Variants in PUM1 observed in about 807,000 individuals in gnomAD.
The protein encoded by PUM1 is pumilio RNA binding family member 1, also known as pumilio homolog 1.
Under a neutral mutation model 131.8 loss-of-function variants are expected in PUM1, and 13 were observed. The observed-to-expected ratio is 0.10, with a 90% confidence interval of 0.06 to 0.16. The LOEUF (loss-of-function observed/expected upper bound fraction) is 0.16, where lower values mean the gene tolerates loss of function less well. Ranked by LOEUF, PUM1 falls within the 10% of genes least tolerant of loss-of-function variation. The pLI, the probability that PUM1 is intolerant of heterozygous loss-of-function variation, is 1.00. For synonymous variants in PUM1, 509 were observed against 556.5 expected (o/e 0.91, Z 1.20); for missense variants, 961 against 1,512.4 (o/e 0.64, Z 6.05).
intron 3 of PUM1, among the ~76,000 whole-genome samples, chr1:31,008,178 A>T (rs1642463083): frequency 6.6e-6 from 1 of 152,172 alleles, no homozygotes; most frequent in Non-Finnish European, 1.5e-5. Context: ...TTTAACCCAT[A>T]ACCCAATGAT....
At chr1:31,042,869 A>G (rs1643865586) in intron 2 of PUM1, among the ~76,000 whole-genome samples, 1 of 152,166 alleles carries the variant, frequency 6.6e-6, no homozygotes, top group Admixed American at 6.6e-5. Context: ...GAGTCAAGCC[A>G]TTACAGGCAT....
intron 2 of PUM1, among the ~76,000 whole-genome samples, chr1:31,043,222 G>T (rs1310178254): frequency 6.9e-6 from 1 of 144,060 alleles, no homozygotes; most frequent in Non-Finnish European, 1.5e-5. Flanking sequence ...CTTTTTTTTT[G>T]AGACAGTTTC....
At chr1:31,056,174 G>C (rs996437261) in intron 2 of PUM1, among the ~76,000 whole-genome samples, 2 of 152,038 alleles carry the variant, frequency 1.3e-5, no homozygotes, top group Admixed American at 6.6e-5. Flanking sequence ...CCAAACCAGA[G>C]GCACTCTGTA....
intron 5 of PUM1, among the ~76,000 whole-genome samples, chr1:31,000,902 G>T (rs1642185170): frequency 6.6e-6 from 1 of 152,210 alleles, no homozygotes; most frequent in Admixed American, 6.5e-5. Context: ...TTAGCTGGGT[G>T]TGGGCCGGGC....
intron 5 of PUM1, among the ~76,000 whole-genome samples, chr1:31,000,975 A>T (rs1642188246): frequency 6.6e-6 from 1 of 152,092 alleles, no homozygotes; most frequent in Non-Finnish European, 1.5e-5. Context: ...TCACGAGGTC[A>T]GGAGAGCGAG....
At chr1:31,043,794 T>C (rs1304906526) in intron 2 of PUM1, among the ~76,000 whole-genome samples, 1 of 152,190 alleles carries the variant, frequency 6.6e-6, no homozygotes, top group Non-Finnish European at 1.5e-5. Context: ...AAGTAGTCAT[T>C]AGCCCCAGTA....
chr1:31,018,079 G>C (rs767151575), intron 3 of PUM1, among the ~76,000 whole-genome samples: 1 of 152,232 alleles, frequency 6.6e-6, no homozygotes, highest in African/African-American at 2.4e-5. Flanking sequence ...TACCAGGCGC[G>C]GTGGCTCATG....
intron 10 of PUM1, among the ~76,000 whole-genome samples, chr1:30,970,304 TGAG>T (rs1289336074): frequency 6.6e-6 from 1 of 152,220 alleles, no homozygotes; most frequent in Non-Finnish European, 1.5e-5. Context: ...ATTTGTTAAG[TGAG>T]TATAAGGTGA....
chr1:30,934,148 C>T (rs1425561717), intron 21 of PUM1, among the ~76,000 whole-genome samples: 1 of 152,206 alleles, frequency 6.6e-6, no homozygotes, highest in Non-Finnish European at 1.5e-5. Flanking sequence ...CTGGGCTGAT[C>T]ATTTCAAGAA....
chr1:30,961,428 G>A (rs1237198627), intron 14 of PUM1, among the ~76,000 whole-genome samples: 1 of 151,972 alleles, frequency 6.6e-6, no homozygotes, highest in Non-Finnish European at 1.5e-5. Flanking sequence ...GGAAGCTGGG[G>A]TGGAAAGATC....
intron 9 of PUM1, among the ~76,000 whole-genome samples, chr1:30,978,760 A>G (rs1641241205): frequency 6.6e-6 from 1 of 152,162 alleles, no homozygotes; most frequent in Admixed American, 6.5e-5. Flanking sequence ...CAGTCAAATA[A>G]CAAAGATGCC....
chr1:31,021,100 A>G (rs946536255), intron 3 of PUM1, among the ~76,000 whole-genome samples: 3 of 152,270 alleles, frequency 2.0e-5, no homozygotes, highest in African/African-American at 7.2e-5. Context: ...CAACGTAACA[A>G]CTATATTAAA....
chr1:31,054,093 CAAAAAAAA>C (rs368330168), intron 2 of PUM1, among the ~76,000 whole-genome samples: 51 of 54,880 alleles, frequency 9.3e-4, no homozygotes, highest in Non-Finnish European at 1.1e-3. Context: ...GACTTTATTT[CAAAAAAAA>C]AAAAAAAAAA....
At chr1:30,985,680 C>T (rs1028095349) in intron 7 of PUM1, among the ~76,000 whole-genome samples, 1 of 146,044 alleles carries the variant, frequency 6.8e-6, no homozygotes, top group African/African-American at 2.6e-5. Flanking sequence ...GAGTCAAAAT[C>T]TCACCGCACC....
chr1:30,933,386 C>A, intron 21 of PUM1, 44 bp from the exon 22 acceptor site: 1 of 1,578,620 alleles, frequency 6.3e-7, no homozygotes, highest in South Asian at 1.1e-5. Context: ...TGAGATGAGA[C>A]TTGGGGGCAG....
At chr1:31,002,162 T>A (rs887789249) in intron 5 of PUM1, among the ~76,000 whole-genome samples, 2 of 152,234 alleles carry the variant, frequency 1.3e-5, no homozygotes, top group African/African-American at 4.8e-5. Context: ...GATTTCTATC[T>A]GCATTACATT....
intron 14 of PUM1, among the ~76,000 whole-genome samples, chr1:30,962,282 G>A (rs1011201970): frequency 6.6e-6 from 1 of 152,048 alleles, no homozygotes; most frequent in African/African-American, 2.4e-5. Flanking sequence ...TTCTTCACAG[G>A]GAAAACAAAA....
chr1:31,058,165 T>G (rs1437593537), intron 2 of PUM1, among the ~76,000 whole-genome samples: 1 of 152,130 alleles, frequency 6.6e-6, no homozygotes, highest in Non-Finnish European at 1.5e-5. Flanking sequence ...ACACAATATA[T>G]CAGTCCCATT....
chr1:30,973,203 C>T (rs541100184), intron 10 of PUM1: 58 of 144,792 alleles, frequency 4.0e-4, no homozygotes, highest in African/African-American at 1.2e-3. Context: ...GTCCAAATAA[C>T]GGGGGGAATT....
Sources: gnomAD v4.1 joint callset for allele counts (sites outside exome capture counted in the v4.1 genomes callset) on GRCh38, gnomAD v4.1.1 for gene constraint, MANE v1.5 for transcripts, NCBI Gene and HGNC (gene_info 2026-07-23, HGNC 2026-07-21) for gene names.